The following IQSEC1 variants were observed in gnomAD, a reference collection of about 807,000 sequenced individuals.
The protein encoded by IQSEC1 is IQ motif and Sec7 domain ArfGEF 1.
A neutral mutation model predicts 91.0 loss-of-function variants in IQSEC1; 31 were observed. The ratio of observed to expected loss-of-function variants is 0.34; its 90% CI spans 0.26 to 0.46. The LOEUF (loss-of-function observed/expected upper bound fraction) is 0.46. Ranked by LOEUF, IQSEC1 falls within the 20% of genes least tolerant of loss-of-function variation. The probability of loss-of-function intolerance (pLI) is 1.00; values close to 1 mark genes in which losing one functional copy is unlikely to be tolerated. For missense variants in IQSEC1, 1,388 were observed against 1,575.6 expected, an observed-to-expected ratio of 0.88 and a Z score of 2.02; for synonymous variants, 699 against 662.6, an observed-to-expected ratio of 1.05 and a Z score of -0.84.
chr3:13,054,795 G>A (rs183117072), intron 1 of IQSEC1, among the ~76,000 whole-genome samples: 1 of 152,346 alleles, frequency 6.6e-6, no homozygotes, highest in Admixed American at 6.5e-5. Flanking sequence ...CACACGGTGG[G>A]ACCCCAGGAG....
chr3:13,233,020 T>C (rs1694863146), intron 1 of IQSEC1, among the ~76,000 whole-genome samples: 1 of 152,024 alleles, frequency 6.6e-6, no homozygotes, highest in African/African-American at 2.4e-5. Flanking sequence ...GAGTTTGTAT[T>C]TGGGAGGAGG....
chr3:13,281,536 C>T (rs1235588713), intron 1 of IQSEC1, among the ~76,000 whole-genome samples: 3 of 152,166 alleles, frequency 2.0e-5, no homozygotes, highest in Non-Finnish European at 4.4e-5. Context: ...CAGCCCCACC[C>T]GCACCGCCCA....
At chr3:12,918,680 G>C (rs981530311) in intron 6 of IQSEC1, among the ~76,000 whole-genome samples, 6 of 152,088 alleles carry the variant, frequency 3.9e-5, no homozygotes, top group African/African-American at 9.7e-5. Flanking sequence ...AAATTAGCCG[G>C]GCATGGCAGT....
chr3:13,203,334 C>T (rs1262185645), intron 1 of IQSEC1, among the ~76,000 whole-genome samples: 8 of 152,200 alleles, frequency 5.3e-5, no homozygotes, highest in African/African-American at 1.7e-4. Context: ...GGAAGCTGCA[C>T]GGCCCTTGTT....
chr3:12,919,489 C>G (rs1362165870), intron 6 of IQSEC1, among the ~76,000 whole-genome samples: 4 of 152,172 alleles, frequency 2.6e-5, no homozygotes, highest in Middle Eastern at 3.2e-3. Flanking sequence ...CACCTGGAGA[C>G]CCCGGAGTAG....
At chr3:13,055,541 A>G (rs1450505155) in intron 1 of IQSEC1, among the ~76,000 whole-genome samples, 1 of 152,222 alleles carries the variant, frequency 6.6e-6, no homozygotes, top group African/African-American at 2.4e-5. Context: ...GGAGGCACCT[A>G]GCCATGATCA....
At chr3:13,085,757 G>A (rs1260638626) in intron 2 of IQSEC1, among the ~76,000 whole-genome samples, 2 of 152,248 alleles carry the variant, frequency 1.3e-5, no homozygotes, top group Non-Finnish European at 2.9e-5. Flanking sequence ...CCGAGGCCAC[G>A]TCTTGGACTT....
intron 1 of IQSEC1, among the ~76,000 whole-genome samples, chr3:12,960,865 C>T (rs890746856): frequency 7.2e-5 from 11 of 152,224 alleles, no homozygotes; most frequent in African/African-American, 2.7e-4. Context: ...CACGCATAGT[C>T]ACCTGTTTTG....
At chr3:13,274,605 TGTC>T (rs1455374014) in intron 1 of IQSEC1, among the ~76,000 whole-genome samples, 35 of 151,354 alleles carry the variant, frequency 2.3e-4, no homozygotes, top group Non-Finnish European at 3.7e-4. Context: ...TGCGACCACA[TGTC>T]CCAAGTGTGT....
chr3:13,060,706 A>G (rs1705035869), intron 1 of IQSEC1, among the ~76,000 whole-genome samples: 1 of 152,204 alleles, frequency 6.6e-6, no homozygotes, highest in Non-Finnish European at 1.5e-5. Context: ...GGCCAGCAGC[A>G]TCAGCCCTGC....
chr3:12,924,857 C>T lies in IQSEC1; in HGVS notation c.1569-115G>A, dbSNP rs796642335. On this transcript the variant is annotated intron_variant, in intron 3 of 13. Transcript: ENST00000613206. This position sits in a 1 kb window ranked among gnomAD's most constrained non-coding sequence, Gnocchi z 6.3. ...ATTCTCCCTCCCTGCCCACCTGCAC[C>T]GGCCTTCATCCCTGTAGGCATTCAG... is the stretch of plus-strand genomic sequence containing the variant. The T allele has an allele frequency of 1.7e-5, 17 of 981,720 alleles. No individual in the cohort carries two copies. The highest frequency in any genetic ancestry group is 3.3e-5 in the African/African-American group (2 of 59,822). The allele number at this position is 981,720 out of a possible 1,614,324, so 60.8% of individuals were successfully genotyped here.
intron 1 of IQSEC1, among the ~76,000 whole-genome samples, chr3:13,010,263 T>C (rs539802220): frequency 6.6e-6 from 1 of 152,302 alleles, no homozygotes; most frequent in South Asian, 2.1e-4. Flanking sequence ...TCACTTCCGG[T>C]AAGACACCCC....
intron 1 of IQSEC1, among the ~76,000 whole-genome samples, chr3:13,237,158 T>C (rs77570303): frequency 0.04 from 6,168 of 152,304 alleles, 422 homozygotes; most frequent in African/African-American, 0.14. Flanking sequence ...CTTTCAGAAA[T>C]AGGATTCTGC....
chr3:12,914,369 A>T (rs1695865846), intron 8 of IQSEC1, among the ~76,000 whole-genome samples: 3 of 152,158 alleles, frequency 2.0e-5, no homozygotes, highest in Non-Finnish European at 4.4e-5. Context: ...GATCCCCGGG[A>T]TCACCGTCCT....
intron 1 of IQSEC1, among the ~76,000 whole-genome samples, chr3:12,988,614 G>A (rs140000530): frequency 3.6e-3 from 545 of 152,210 alleles, no homozygotes; most frequent in African/African-American, 0.012. Context: ...TAGGTGGTAC[G>A]ACAGGAAGGG....
At chr3:13,010,097 G>A (rs914130199) in intron 1 of IQSEC1, among the ~76,000 whole-genome samples, 42 of 152,280 alleles carry the variant, frequency 2.8e-4, no homozygotes, top group African/African-American at 9.4e-4. Context: ...TCTACCTCAC[G>A]GGGCTGACCC....
intron 3 of IQSEC1, among the ~76,000 whole-genome samples, chr3:12,929,574 GC>G (rs1465318189): frequency 6.6e-6 from 1 of 152,164 alleles, no homozygotes; most frequent in East Asian, 1.9e-4. Flanking sequence ...CCACGCTTCT[GC>G]CCCAGAAGTC....
intron 2 of IQSEC1, among the ~76,000 whole-genome samples, chr3:12,938,050 C>T (rs1698361918): frequency 6.6e-6 from 1 of 152,244 alleles, no homozygotes; most frequent in Admixed American, 6.5e-5. Context: ...CTCCCTGCAC[C>T]TTGCTCCTGA....
intron 1 of IQSEC1, among the ~76,000 whole-genome samples, chr3:12,964,021 A>C (rs1352489073): frequency 6.6e-6 from 1 of 152,260 alleles, no homozygotes; most frequent in African/African-American, 2.4e-5. Flanking sequence ...GCATCGGGGT[A>C]CTAGCCACAG....
Sources: gnomAD v4.1 joint callset for allele counts (sites outside exome capture counted in the v4.1 genomes callset) on GRCh38, gnomAD v4.1.1 for gene constraint, Gnocchi (gnomAD v3.1) non-coding constraint, MANE v1.5 for transcripts, NCBI Gene and HGNC (gene_info 2026-07-23, HGNC 2026-07-21) for gene names.